Variants in TEC observed in about 807,000 individuals in gnomAD.
TEC encodes the protein tyrosine-protein kinase Tec.
In TEC, 72 loss-of-function variants were observed where a neutral mutation model predicts 93.0. The observed-to-expected ratio is 0.77, with a 90% CI of 0.64 to 0.94. TEC has a LOEUF of 0.94. Among genes scored for constraint, TEC ranks in the 40% least tolerant of loss-of-function variants. TEC has a pLI of 0.00. For synonymous variants in TEC, 249 were observed against 247.7 expected (o/e 1.01, Z -0.05); for missense variants, 630 against 757.9 (o/e 0.83, Z 1.98).
chr4:48,230,099 TAATA>T (rs150714726), intron 1 of TEC, among the ~76,000 whole-genome samples: 11,330 of 137,844 alleles, frequency 0.082, 585 homozygotes, highest in East Asian at 0.26. Flanking sequence ...ATAATAATAA[TAATA>T]AATAAATAAC....
rs1301010845 is a variant in TEC at position 48,252,284 on chromosome 4, A to ATAGTGG, written c.-46+17462_-46+17467dup. 1.1e-4 allele frequency among the ~76,000 whole-genome samples: 17 copies of ATAGTGG among 152,378 alleles called. No individual in the cohort carries two copies. The South Asian group carries it at 2.3e-3, about 20-fold the overall frequency. On this transcript the variant is annotated intron_variant, in intron 1 of 17. Transcript: ENST00000381501. ...TTACTCAGCATTAGTGATGATGATGATAGTGGTAGTGGTGGTGGTGCTGCT... is the reference window on the plus strand; with the variant it reads ...TTACTCAGCATTAGTGATGATGATGATAGTGGTAGTGGTAGTGGTGGTGGTGCTGCT...
At chr4:48,188,871 G>A (rs1280778706) in intron 2 of TEC, among the ~76,000 whole-genome samples, 1 of 151,694 alleles carries the variant, frequency 6.6e-6, no homozygotes, top group Non-Finnish European at 1.5e-5. Context: ...GTGTGTGTGT[G>A]CATGTGTGTG....
At chr4:48,232,938 G>A (rs143488934) in intron 1 of TEC, among the ~76,000 whole-genome samples, 29 of 152,252 alleles carry the variant, frequency 1.9e-4, no homozygotes, top group African/African-American at 6.5e-4. Flanking sequence ...AAGAATTGTT[G>A]GCAAATCAGT....
chr4:48,196,932 G>A (rs1321639085), intron 2 of TEC, among the ~76,000 whole-genome samples: 1 of 152,136 alleles, frequency 6.6e-6, no homozygotes, highest in African/African-American at 2.4e-5. Flanking sequence ...AACCAATACT[G>A]AGCCAGCCAG....
intron 3 of TEC, among the ~76,000 whole-genome samples, chr4:48,174,273 T>C (rs1161394451): frequency 6.6e-6 from 1 of 152,158 alleles, no homozygotes; most frequent in East Asian, 1.9e-4. Flanking sequence ...CTCTCTTTCT[T>C]GGACAGCAAA....
At chr4:48,145,338 C>T in intron 13 of TEC, 43 bp from the exon 14 acceptor site, 4 of 1,611,286 alleles carry the variant, frequency 2.5e-6, no homozygotes, top group African/African-American at 1.3e-5. Flanking sequence ...GGAAAAGAAA[C>T]TACCAAGTTT....
chr4:48,140,193 T>G (rs1719601546), intron 15 of TEC, among the ~76,000 whole-genome samples: 1 of 152,232 alleles, frequency 6.6e-6, no homozygotes, highest in African/African-American at 2.4e-5. Flanking sequence ...GGAGTTAAAC[T>G]TGGCCCTACA....
At chr4:48,216,005 T>G (rs2109619088) in intron 2 of TEC, among the ~76,000 whole-genome samples, 1 of 152,344 alleles carries the variant, frequency 6.6e-6, no homozygotes, top group South Asian at 2.1e-4. Context: ...TAAAATTGCA[T>G]GATTCCTCCT....
chr4:48,168,668 C>A (rs1720975309), intron 5 of TEC, 42 bp from the exon 6 acceptor site: 1 of 1,584,380 alleles, frequency 6.3e-7, no homozygotes, highest in Non-Finnish European at 8.6e-7. Context: ...ATGCTATCTA[C>A]CAATAATTGA....
chr4:48,138,494 A>G (rs1719520738), intron 17 of TEC, among the ~76,000 whole-genome samples, 171 bp downstream of exon 17: 2 of 152,170 alleles, frequency 1.3e-5, no homozygotes, highest in African/African-American at 4.8e-5. Context: ...ACATCTTTAC[A>G]TTCTTCTTCC....
intron 7 of TEC, among the ~76,000 whole-genome samples, chr4:48,165,657 C>A (rs1358890912): frequency 6.6e-6 from 1 of 152,142 alleles, no homozygotes; most frequent in Non-Finnish European, 1.5e-5. Context: ...ACAAGAAATA[C>A]AAGAAACACA....
chr4:48,163,145 T>C (rs1376566656), intron 8 of TEC, among the ~76,000 whole-genome samples: 1 of 152,150 alleles, frequency 6.6e-6, no homozygotes, highest in Non-Finnish European at 1.5e-5. Flanking sequence ...CCATACATAA[T>C]GCTTGATACA....
At chr4:48,169,388 T>A (rs949300642) in intron 5 of TEC, among the ~76,000 whole-genome samples, 15 of 151,486 alleles carry the variant, frequency 9.9e-5, no homozygotes, top group African/African-American at 2.7e-4. Flanking sequence ...AAAAAAAAAA[T>A]AAGGAACAAT....
chr4:48,141,881 ACTCCTGACCT>A (rs1416233429), intron 14 of TEC, among the ~76,000 whole-genome samples: 7 of 150,830 alleles, frequency 4.6e-5, no homozygotes, highest in African/African-American at 1.7e-4. Context: ...CTGGTCTTGA[ACTCCTGACCT>A]CATCCATCTG....
intron 9 of TEC, among the ~76,000 whole-genome samples, chr4:48,151,961 A>T (rs1403645246): frequency 6.6e-6 from 1 of 152,224 alleles, no homozygotes; most frequent in African/African-American, 2.4e-5. Context: ...TAACACTACC[A>T]TCAATCTCTA....
At chr4:48,174,189 G>A (rs548609960) in intron 3 of TEC, among the ~76,000 whole-genome samples, 1 of 152,190 alleles carries the variant, frequency 6.6e-6, no homozygotes, top group African/African-American at 2.4e-5. Context: ...AATTTTAGTA[G>A]TTCAGGGATG....
chr4:48,227,650 A>T (rs1723514161), intron 2 of TEC, among the ~76,000 whole-genome samples: 1 of 151,818 alleles, frequency 6.6e-6, no homozygotes. Context: ...TCAAAAAAAA[A>T]AAAAAAAAAA....
chr4:48,157,793 G>A (rs1720462231), intron 8 of TEC, among the ~76,000 whole-genome samples: 1 of 152,136 alleles, frequency 6.6e-6, no homozygotes, highest in Non-Finnish European at 1.5e-5. Context: ...TGGGATTACA[G>A]GCATGAGCCA....
At chr4:48,193,485 T>G (rs28653632) in intron 2 of TEC, among the ~76,000 whole-genome samples, 88,529 of 151,584 alleles carry the variant, frequency 0.58, 26,954 homozygotes, top group African/African-American at 0.75. Context: ...CTGCACATAG[T>G]AATACCCAAG....
Sources: gnomAD v4.1 joint callset for allele counts (sites outside exome capture counted in the v4.1 genomes callset) on GRCh38, gnomAD v4.1.1 for gene constraint, MANE v1.5 for transcripts, NCBI Gene and HGNC (gene_info 2026-07-23, HGNC 2026-07-21) for gene names.